The following TASP1 variants were observed in gnomAD, a reference collection of about 807,000 sequenced individuals.
TASP1 encodes the protein taspase 1, also known as threonine aspartase 1.
TASP1 carries 16 observed loss-of-function variants against 56.6 expected under a neutral mutation model. The ratio of observed to expected loss-of-function variants is 0.28; its 90% CI spans 0.19 to 0.43. The LOEUF is 0.43. TASP1 is among the 20% of genes least tolerant of loss of function. TASP1 has a pLI of 1.00. For synonymous variants in TASP1, 179 were observed against 184.2 expected (o/e 0.97, Z 0.23); for missense variants, 393 against 511.6 (o/e 0.77, Z 2.24).
intron 11 of TASP1, among the ~76,000 whole-genome samples, chr20:13,450,702 G>A (rs6042116): frequency 0.054 from 8,195 of 152,034 alleles, 299 homozygotes; most frequent in African/African-American, 0.1. Flanking sequence ...TACTTCCTCC[G>A]ATGAAGTCTT....
chr20:13,528,794 C>G (rs2045095838), intron 9 of TASP1, among the ~76,000 whole-genome samples: 1 of 151,946 alleles, frequency 6.6e-6, no homozygotes. Context: ...AAACTTCTCC[C>G]TTTTGTAATT....
At chr20:13,171,835 C>T in the TASP1 span, among the ~76,000 whole-genome samples, 1 of 151,954 alleles carries the variant, frequency 6.6e-6, no homozygotes, top group Admixed American at 6.6e-5. Context: ...ACAGACAATT[C>T]CTGGAAAAGT....
chr20:13,373,021 G>A, the TASP1 span, among the ~76,000 whole-genome samples: 2 of 151,810 alleles, frequency 1.3e-5, no homozygotes, highest in Non-Finnish European at 2.9e-5. Flanking sequence ...TGTAATTTTT[G>A]TCTATTAAAG....
At chr20:13,173,167 C>A in the TASP1 span, among the ~76,000 whole-genome samples, 3 of 152,300 alleles carry the variant, frequency 2.0e-5, no homozygotes, top group South Asian at 2.1e-4. Context: ...AGAGTGCTGG[C>A]AAGCCCTATT....
chr20:13,491,621 C>G (rs375514432), intron 10 of TASP1, among the ~76,000 whole-genome samples: 1 of 152,022 alleles, frequency 6.6e-6, no homozygotes, highest in African/African-American at 2.4e-5. Context: ...TTGTGACAGC[C>G]CAACAAAATC....
the TASP1 span, among the ~76,000 whole-genome samples, chr20:13,106,227 T>C: frequency 6.6e-6 from 1 of 152,218 alleles, no homozygotes. Flanking sequence ...TGTCTCCTAG[T>C]CTACGTTCTT....
the TASP1 span, among the ~76,000 whole-genome samples, chr20:13,288,230 G>A: frequency 1.3e-5 from 2 of 152,190 alleles, no homozygotes; most frequent in Non-Finnish European, 2.9e-5. Flanking sequence ...ACTGAGGGTG[G>A]TTACCTTTGG....
the TASP1 span, among the ~76,000 whole-genome samples, chr20:13,264,520 G>T: frequency 6.6e-6 from 1 of 152,226 alleles, no homozygotes; most frequent in East Asian, 1.9e-4. Context: ...ATCCTAATTT[G>T]CCCTGTGGCT....
intron 5 of TASP1, among the ~76,000 whole-genome samples, chr20:13,583,914 A>G (rs1019180511): frequency 1.3e-5 from 2 of 152,156 alleles, no homozygotes; most frequent in African/African-American, 2.4e-5. Context: ...ACCCGTCTCT[A>G]CTAAAAATAT....
chr20:13,220,333 C>T, the TASP1 span, among the ~76,000 whole-genome samples: 1 of 152,212 alleles, frequency 6.6e-6, no homozygotes, highest in African/African-American at 2.4e-5. Context: ...GCTCGGACTC[C>T]GCGCCCTCAG....
At chr20:13,354,184 A>G in the TASP1 span, among the ~76,000 whole-genome samples, 81 of 152,350 alleles carry the variant, frequency 5.3e-4, no homozygotes, top group Admixed American at 3.8e-3. Flanking sequence ...ATTTTTTAAA[A>G]GAGTGATAAG....
the TASP1 span, among the ~76,000 whole-genome samples, chr20:13,275,521 AG>A: frequency 6.6e-6 from 1 of 152,184 alleles, no homozygotes; most frequent in Non-Finnish European, 1.5e-5. Flanking sequence ...GTTTGGGATC[AG>A]GCACCACCAT....
the TASP1 span, among the ~76,000 whole-genome samples, chr20:13,211,801 C>T: frequency 6.6e-6 from 1 of 152,042 alleles, no homozygotes; most frequent in South Asian, 2.1e-4. Context: ...CCAAATCCTA[C>T]CCACAGTTTC....
chr20:13,617,045 A>AT (rs1320870586), intron 4 of TASP1: 1 of 455,296 alleles, frequency 2.2e-6, no homozygotes, highest in Non-Finnish European at 4.4e-6. Context: ...GGGAGAGGTG[A>AT]TTTTCTCTGC....
intron 9 of TASP1, among the ~76,000 whole-genome samples, chr20:13,530,436 A>T (rs984247763): frequency 6.6e-6 from 1 of 152,228 alleles, no homozygotes; most frequent in Non-Finnish European, 1.5e-5. Flanking sequence ...ATAAACTGGC[A>T]GACTTGTGGG....
the TASP1 span, among the ~76,000 whole-genome samples, chr20:13,254,826 G>A: frequency 6.6e-6 from 1 of 152,232 alleles, no homozygotes. Context: ...CATGGTTCGA[G>A]AGATGTAGGA....
chr20:13,610,892 C>T (rs2048327364), intron 4 of TASP1, among the ~76,000 whole-genome samples: 1 of 152,050 alleles, frequency 6.6e-6, no homozygotes, highest in Non-Finnish European at 1.5e-5. Context: ...CTCCATGAAC[C>T]ACATCTGGAG....
chr20:13,417,880 G>GCA (rs147149183), intron 12 of TASP1, among the ~76,000 whole-genome samples: 4 of 151,210 alleles, frequency 2.6e-5, no homozygotes, highest in African/African-American at 4.9e-5. Flanking sequence ...ACACGTGCAT[G>GCA]CACACACACA....
the TASP1 span, among the ~76,000 whole-genome samples, chr20:13,141,109 G>A: frequency 1.3e-5 from 2 of 152,196 alleles, no homozygotes; most frequent in Non-Finnish European, 2.9e-5. Context: ...GGGAAAGAAA[G>A]GAGTACACTG....
Sources: allele counts gnomAD v4.1 joint callset (sites outside exome capture counted in the v4.1 genomes callset), GRCh38; gene constraint gnomAD v4.1.1; transcripts MANE v1.5; gene names NCBI Gene and HGNC (gene_info 2026-07-23, HGNC 2026-07-21).